Variants in SGCG observed in about 807,000 individuals in gnomAD.
SGCG encodes the protein gamma-sarcoglycan.
SGCG carries 26 observed loss-of-function variants against 29.3 expected under a neutral mutation model. The observed-to-expected ratio is 0.89, with a 90% confidence interval of 0.65 to 1.23. The LOEUF is 1.23. SGCG is among the 50% of genes most tolerant of loss of function. SGCG has a pLI of 0.00. For synonymous variants in SGCG, 145 were observed against 129.7 expected, an observed-to-expected ratio of 1.12 and a Z score of -0.80; for missense variants, 353 against 356.0, an observed-to-expected ratio of 0.99 and a Z score of 0.07.
At chr13:23,305,815 T>C (rs1006714745) in intron 6 of SGCG, among the ~76,000 whole-genome samples, 3 of 152,194 alleles carry the variant, frequency 2.0e-5, no homozygotes, top group African/African-American at 7.2e-5. Context: ...ACTGAACCAA[T>C]CTTGCATTCT....
intron 3 of SGCG, 78 bp from the exon 4 acceptor site, chr13:23,250,552 C>T (rs748364126): frequency 3.8e-5 from 29 of 766,614 alleles, no homozygotes; most frequent in Middle Eastern, 4.6e-4. Context: ...TATAAAAATC[C>T]TAAATTTACA....
intron 3 of SGCG, among the ~76,000 whole-genome samples, chr13:23,238,837 T>G (rs1018820013): frequency 6.6e-6 from 1 of 152,128 alleles, no homozygotes; most frequent in Admixed American, 6.6e-5. Context: ...ACTAACAGAT[T>G]AATAACAATT....
At chr13:23,187,448 C>T (rs996874159) in intron 1 of SGCG, among the ~76,000 whole-genome samples, 5 of 152,200 alleles carry the variant, frequency 3.3e-5, no homozygotes, top group African/African-American at 1.2e-4. Flanking sequence ...AGTGGATACA[C>T]AGGTGCGCTG....
At chr13:23,213,121 T>C (rs1248253804) in intron 2 of SGCG, among the ~76,000 whole-genome samples, 2 of 152,178 alleles carry the variant, frequency 1.3e-5, no homozygotes, top group East Asian at 3.9e-4. Flanking sequence ...AGTACCCATA[T>C]CTTTGCAGTG....
At chr13:23,300,230 C>T (rs1326498) in intron 6 of SGCG, among the ~76,000 whole-genome samples, 84,867 of 152,094 alleles carry the variant, frequency 0.56, 24,706 homozygotes, top group East Asian at 0.84. Context: ...CTTGCAAATA[C>T]GAAAGTTTAC....
At chr13:23,211,172 C>T (rs542011583) in intron 2 of SGCG, among the ~76,000 whole-genome samples, 2 of 152,126 alleles carry the variant, frequency 1.3e-5, no homozygotes, top group Admixed American at 6.5e-5. Context: ...ATGCCTGCTG[C>T]GAGGCAAGGA....
At chr13:23,175,585 A>G in the SGCG span, among the ~76,000 whole-genome samples, 2 of 151,958 alleles carry the variant, frequency 1.3e-5, no homozygotes, top group Non-Finnish European at 2.9e-5. Flanking sequence ...GTAGTACTCT[A>G]TTTTCTCCCC....
the SGCG span, among the ~76,000 whole-genome samples, chr13:23,174,554 T>C: frequency 6.6e-6 from 1 of 152,082 alleles, no homozygotes; most frequent in African/African-American, 2.4e-5. Flanking sequence ...AGGAGACAAC[T>C]AAGATAGAAT....
At chr13:23,197,365 A>G (rs1417219824) in intron 1 of SGCG, among the ~76,000 whole-genome samples, 2 of 152,210 alleles carry the variant, frequency 1.3e-5, no homozygotes, top group Non-Finnish European at 2.9e-5. Flanking sequence ...GAAATTATCT[A>G]TCTGGATATT....
intron 6 of SGCG, among the ~76,000 whole-genome samples, chr13:23,320,000 T>C (rs1882974308): frequency 6.6e-6 from 1 of 152,224 alleles, no homozygotes; most frequent in South Asian, 2.1e-4. Flanking sequence ...CAGTTTAGTA[T>C]TTTTTCCAAA....
At chr13:23,185,900 C>A (rs548410532) in intron 1 of SGCG, among the ~76,000 whole-genome samples, 4 of 152,178 alleles carry the variant, frequency 2.6e-5, no homozygotes, top group Non-Finnish European at 5.9e-5. Context: ...TGACATAGCA[C>A]GAGTCCACCC....
At chr13:23,279,248 A>G in intron 4 of SGCG, 111 bp from the exon 5 acceptor site, 1 of 1,032,698 alleles carries the variant, frequency 9.7e-7, no homozygotes, top group Non-Finnish European at 1.5e-6. Flanking sequence ...GGTAACAAAT[A>G]CCAAGTCTTT....
At chr13:23,265,675 A>T (rs1056396848) in intron 4 of SGCG, among the ~76,000 whole-genome samples, 3 of 152,220 alleles carry the variant, frequency 2.0e-5, no homozygotes, top group African/African-American at 7.2e-5. Flanking sequence ...AATACACTCC[A>T]TACCACTAGT....
At chr13:23,319,299 CA>C (rs5802229) in intron 6 of SGCG, among the ~76,000 whole-genome samples, 142 of 132,686 alleles carry the variant, frequency 1.1e-3, no homozygotes, top group Admixed American at 9.8e-4. Flanking sequence ...GACTCCGTCT[CA>C]AAAAAAAAAA....
chr13:23,299,626 G>C (rs1301002625), intron 6 of SGCG, among the ~76,000 whole-genome samples: 2 of 150,524 alleles, frequency 1.3e-5, no homozygotes, highest in African/African-American at 4.9e-5. Context: ...CTAATTTTTT[G>C]TATTTTTAGC....
chr13:23,223,346 T>C (rs1329672652), intron 2 of SGCG, among the ~76,000 whole-genome samples: 5 of 150,884 alleles, frequency 3.3e-5, no homozygotes, highest in African/African-American at 9.7e-5. Context: ...TCTCCACCTA[T>C]AGATGAAATA....
At chr13:23,237,040 A>G (rs1010077850) in intron 3 of SGCG, among the ~76,000 whole-genome samples, 4 of 152,196 alleles carry the variant, frequency 2.6e-5, no homozygotes, top group African/African-American at 9.7e-5. Context: ...CAGAAAAGAA[A>G]TTACTTTATG....
At chr13:23,316,988 T>G (rs921696166) in intron 6 of SGCG, among the ~76,000 whole-genome samples, 4 of 152,054 alleles carry the variant, frequency 2.6e-5, no homozygotes, top group African/African-American at 4.8e-5. Flanking sequence ...GGGCAGATCA[T>G]GAGGTCAGGA....
intron 2 of SGCG, among the ~76,000 whole-genome samples, chr13:23,215,595 T>G (rs544259278): frequency 1.5e-3 from 234 of 152,304 alleles, no homozygotes; most frequent in Non-Finnish European, 2.6e-3. Flanking sequence ...TGGCACAAAA[T>G]TATGAAATCC....
Sources: allele counts gnomAD v4.1 joint callset (sites outside exome capture counted in the v4.1 genomes callset), GRCh38; gene constraint gnomAD v4.1.1; transcripts MANE v1.5; gene names NCBI Gene and HGNC (gene_info 2026-07-23, HGNC 2026-07-21).